The following CSMD3 variants were observed in gnomAD, a reference collection of about 807,000 sequenced individuals.
The protein encoded by CSMD3 is CUB and sushi domain-containing protein 3.
Under a neutral mutation model 435.2 loss-of-function variants are expected in CSMD3, and 177 were observed. That is an observed-to-expected ratio of 0.41 (90% CI 0.36 to 0.46). The LOEUF (loss-of-function observed/expected upper bound fraction) is 0.46, where lower values mean the gene tolerates loss of function less well. CSMD3 is among the 20% of genes least tolerant of loss of function. CSMD3 has a pLI of 0.34. For missense variants in CSMD3, 4,265 were observed against 4,504.6 expected (o/e 0.95, Z 1.52); for synonymous variants, 1,656 against 1,520.5 (o/e 1.09, Z -2.07).
chr8:112,748,215 A>T (rs985103106), intron 13 of CSMD3, among the ~76,000 whole-genome samples: 1 of 152,180 alleles, frequency 6.6e-6, no homozygotes, highest in African/African-American at 2.4e-5. Flanking sequence ...GTAGGAAAAA[A>T]TCAGTAAGGC....
At chr8:112,258,446 C>T (rs1000423864) in intron 61 of CSMD3, among the ~76,000 whole-genome samples, 16 of 152,000 alleles carry the variant, frequency 1.1e-4, no homozygotes, top group Non-Finnish European at 2.2e-4. Flanking sequence ...AAAAACCAAC[C>T]CCATCAAAAA....
At chr8:112,272,314 C>G (rs1001864840) in intron 59 of CSMD3, among the ~76,000 whole-genome samples, 10 of 152,024 alleles carry the variant, frequency 6.6e-5, no homozygotes, top group Non-Finnish European at 1.2e-4. Flanking sequence ...TTTTGCATAC[C>G]TCATTAATTT....
intron 32 of CSMD3, among the ~76,000 whole-genome samples, chr8:112,458,208 C>T (rs1215734022): frequency 1.4e-5 from 2 of 146,006 alleles, no homozygotes; most frequent in African/African-American, 2.4e-5. Flanking sequence ...CACACACACA[C>T]TCACACCCAC....
chr8:113,377,167 C>T, intron 1 of CSMD3: 2 of 1,245,478 alleles, frequency 1.6e-6, no homozygotes, highest in Non-Finnish European at 2.1e-6. Flanking sequence ...CCCGGAAACC[C>T]TGCAAACCCT....
intron 12 of CSMD3, among the ~76,000 whole-genome samples, chr8:112,814,064 G>A (rs1178678107): frequency 6.6e-6 from 1 of 152,164 alleles, no homozygotes; most frequent in African/African-American, 2.4e-5. Context: ...GTGAGCACAA[G>A]GAGAATCACA....
chr8:113,399,313 C>G (rs1002335708), intron 1 of CSMD3, among the ~76,000 whole-genome samples: 3 of 151,396 alleles, frequency 2.0e-5, no homozygotes, highest in Admixed American at 6.6e-5. Context: ...AACAATTCAA[C>G]TCCTAACTAT....
At chr8:112,729,523 A>T (rs2077032933) in intron 13 of CSMD3, among the ~76,000 whole-genome samples, 1 of 152,122 alleles carries the variant, frequency 6.6e-6, no homozygotes, top group Non-Finnish European at 1.5e-5. Flanking sequence ...TGTCTATGTC[A>T]ATCTCTAGAA....
At chr8:113,371,992 A>C (rs1381553332) in intron 1 of CSMD3, among the ~76,000 whole-genome samples, 1 of 152,196 alleles carries the variant, frequency 6.6e-6, no homozygotes, top group East Asian at 1.9e-4. Context: ...CATGAGTATT[A>C]GGAAAATGCT....
chr8:112,655,038 A>T (rs551321587), intron 18 of CSMD3, among the ~76,000 whole-genome samples: 23 of 152,294 alleles, frequency 1.5e-4, no homozygotes, highest in Non-Finnish European at 2.5e-4. Context: ...TTTACAAAAT[A>T]TGCTTTCATG....
At position 112,406,726 on chromosome 8, in the gene CSMD3, A is replaced by G. The variant is rs148256095; in HGVS notation, c.5607T>C (p.Ala1869=). ...TAKGFHFVYQ[A]VPRTSSTQCS... ...ATTGTGTAGAACTTGTTCTAGGAACAGCTGTGTAGAAATATTATATTTATT... is the reference window on the plus strand; with the variant it reads ...ATTGTGTAGAACTTGTTCTAGGAACGGCTGTGTAGAAATATTATATTTATT... Residue 1869 remains alanine (A), a splice_region_variant and synonymous_variant, in exon 35 of 71, where the codon GCT becomes GCC. Transcript: ENST00000297405. The G allele has an allele frequency of 1.5e-4, 228 of 1,571,192 alleles. No homozygotes were observed. In the African/African-American group the frequency reaches 2.9e-3, roughly 20 times the overall value.
chr8:113,306,531 C>T (rs1195921340), intron 2 of CSMD3, among the ~76,000 whole-genome samples: 1 of 152,094 alleles, frequency 6.6e-6, no homozygotes, highest in Admixed American at 6.6e-5. Context: ...GAAAGTCATT[C>T]TCTACCTCAA....
chr8:112,232,003 T>C lies in CSMD3; in HGVS notation c.10741-371A>G, dbSNP rs532125820. On this transcript the variant is annotated intron_variant, in intron 68 of 70. Coordinates refer to ENST00000297405, the MANE Select transcript of CSMD3 (RefSeq NM_198123.2). Reference sequence around the variant, plus strand: ...CACATCCCCACTCTCCCAACCTTCATGAGAAGAGTTTACTCCCTATCTCAT... The same window carrying C: ...CACATCCCCACTCTCCCAACCTTCACGAGAAGAGTTTACTCCCTATCTCAT... Among the ~76,000 whole-genome samples, 6 of 152,304 alleles carry C rather than the reference T, an allele frequency of 3.9e-5. No homozygotes were observed. The South Asian group carries it at 8.3e-4, about 21-fold the overall frequency.
At chr8:112,917,595 A>T (rs1445961407) in intron 10 of CSMD3, among the ~76,000 whole-genome samples, 1 of 152,006 alleles carries the variant, frequency 6.6e-6, no homozygotes, top group Non-Finnish European at 1.5e-5. Flanking sequence ...CTGCAGCAAC[A>T]CCACACCCAC....
chr8:112,621,762 A>G (rs1227501128), intron 22 of CSMD3, among the ~76,000 whole-genome samples: 1 of 152,084 alleles, frequency 6.6e-6, no homozygotes, highest in Non-Finnish European at 1.5e-5. Flanking sequence ...GCTGAGCCCC[A>G]GGGCTTGGCT....
intron 13 of CSMD3, among the ~76,000 whole-genome samples, chr8:112,734,281 G>A (rs886519458): frequency 2.2e-4 from 33 of 151,544 alleles, no homozygotes; most frequent in African/African-American, 7.7e-4. Context: ...GAGGAAGGGA[G>A]AGAGAGAGAA....
At chr8:113,219,951 C>A (rs1469672878) in intron 3 of CSMD3, among the ~76,000 whole-genome samples, 1 of 151,316 alleles carries the variant, frequency 6.6e-6, no homozygotes, top group Non-Finnish European at 1.5e-5. Context: ...ATTACAAATT[C>A]TTTAGAAAAT....
At chr8:113,364,931 C>CTGT (rs138438922) in intron 1 of CSMD3, among the ~76,000 whole-genome samples, 1,525 of 152,174 alleles carry the variant, frequency 0.01, 22 homozygotes, top group African/African-American at 0.035. Flanking sequence ...GCTATTTACT[C>CTGT]TGTTATATTC....
At chr8:112,842,001 T>C (rs1387014425) in intron 11 of CSMD3, among the ~76,000 whole-genome samples, 1 of 151,750 alleles carries the variant, frequency 6.6e-6, no homozygotes, top group Non-Finnish European at 1.5e-5. Flanking sequence ...TCCAAATGAC[T>C]CTCCTTCACA....
At chr8:112,912,072 A>G (rs2082435634) in intron 10 of CSMD3, among the ~76,000 whole-genome samples, 2 of 148,492 alleles carry the variant, frequency 1.3e-5, no homozygotes, top group Admixed American at 1.4e-4. Context: ...TTTTTTTAAG[A>G]TCAAGGAGTT....
Sources: gnomAD v4.1 joint callset for allele counts (sites outside exome capture counted in the v4.1 genomes callset) on GRCh38, gnomAD v4.1.1 for gene constraint, MANE v1.5 for transcripts, NCBI Gene and HGNC (gene_info 2026-07-23, HGNC 2026-07-21) for gene names.